The following EFCAB8 variants were observed in gnomAD, a reference collection of about 807,000 sequenced individuals.
EFCAB8 encodes the protein EF-hand calcium binding domain 8, also known as EF-hand calcium-binding domain-containing protein 8.
In EFCAB8, 100 loss-of-function variants were observed where a neutral mutation model predicts 116.3. The observed-to-expected ratio is 0.86, with a 90% CI of 0.73 to 1.02. The LOEUF (loss-of-function observed/expected upper bound fraction) is 1.02. EFCAB8 is among the 50% of genes least tolerant of loss of function. EFCAB8 has a pLI of 0.00. For synonymous variants in EFCAB8, 558 were observed against 567.9 expected (o/e 0.98, Z 0.25); for missense variants, 1,320 against 1,416.9 (o/e 0.93, Z 1.10).
intron 23 of EFCAB8, among the ~76,000 whole-genome samples, chr20:32,957,165 A>G (rs1988993607): frequency 6.6e-6 from 1 of 151,712 alleles, no homozygotes; most frequent in Non-Finnish European, 1.5e-5. Context: ...AATTTTCCTT[A>G]ATTTTATTTA....
chr20:32,912,535 C>T (rs1265350420), intron 16 of EFCAB8, among the ~76,000 whole-genome samples: 2 of 152,096 alleles, frequency 1.3e-5, no homozygotes, highest in Non-Finnish European at 2.9e-5. Flanking sequence ...TTGACCTTAG[C>T]CAGGTCACTT....
chr20:32,896,294 A>G (rs1405638171), intron 9 of EFCAB8, among the ~76,000 whole-genome samples, 160 bp from the exon 10 acceptor site: 2 of 152,032 alleles, frequency 1.3e-5, no homozygotes, highest in Non-Finnish European at 1.5e-5. Context: ...CACTCCGCTC[A>G]GCTCACCAGG....
chr20:32,939,140 T>TTTCC (rs1988265224), intron 22 of EFCAB8, among the ~76,000 whole-genome samples: 2 of 37,548 alleles, frequency 5.3e-5, no homozygotes, highest in Non-Finnish European at 1.1e-4. Context: ...TCTTTCTTTC[T>TTTCC]TTCTTTCTTT....
At chr20:32,866,059 A>AGTCT (rs1457087402) in intron 2 of EFCAB8, among the ~76,000 whole-genome samples, 2 of 152,034 alleles carry the variant, frequency 1.3e-5, no homozygotes, top group African/African-American at 4.8e-5. Flanking sequence ...TCTAATTTGG[A>AGTCT]GTCTGGGTGT....
At chr20:32,949,515 G>A (rs1175194389) in intron 23 of EFCAB8, among the ~76,000 whole-genome samples, 1 of 152,228 alleles carries the variant, frequency 6.6e-6, no homozygotes, top group Non-Finnish European at 1.5e-5. Flanking sequence ...TGAAGCCATG[G>A]TAATCAAGAC....
At chr20:32,917,007 C>T in intron 17 of EFCAB8, 1 of 294,660 alleles carries the variant, frequency 3.4e-6, no homozygotes, top group East Asian at 6.7e-5. Context: ...GCCACAATGT[C>T]CCCCCCCCTT....
At chr20:32,920,008 C>T in intron 19 of EFCAB8, 70 bp from the exon 20 acceptor site, 1 of 1,545,588 alleles carries the variant, frequency 6.5e-7, no homozygotes, top group Non-Finnish European at 8.8e-7. Flanking sequence ...TCATCTTCCT[C>T]TGGTCTCTGG....
rs6120033 is a variant in EFCAB8, at chr20:32,906,576, G to A, written c.1103G>A (p.Arg368His). The A allele has an allele frequency of 0.66, 476,153 of 718,250 alleles. 162,674 individuals carry two copies. The highest frequency in any genetic ancestry group is 0.77 in the Middle Eastern group (3,332 of 4,328). 44.5% of individuals were successfully genotyped at this position (718,250 alleles called of 1,614,324 possible). Residue 368 changes from arginine to histidine, a missense_variant, in exon 12 of 27, where the codon CGT becomes CAT. Physicochemically the swap from Arg to His is conservative, Grantham distance 29. Transcript: ENST00000400522. Reference sequence around the variant, plus strand: ...TGATATTGTAGGTTGTCAGTGCTGCGTTTAAGGAAAGGGATTCTTTGCTTT... The same window carrying A: ...TGATATTGTAGGTTGTCAGTGCTGCATTTAAGGAAAGGGATTCTTTGCTTT... ...ASKKPRLSVLRLRKGILCFDY... is the reference protein window; with the variant it reads ...ASKKPRLSVLHLRKGILCFDY...
intron 9 of EFCAB8, among the ~76,000 whole-genome samples, chr20:32,893,772 A>G (rs1419624912): frequency 6.6e-6 from 1 of 152,068 alleles, no homozygotes; most frequent in Non-Finnish European, 1.5e-5. Context: ...CCTGGCTGGC[A>G]TGGGTGAGTG....
At chr20:32,870,038 C>A (rs1984610803) in intron 3 of EFCAB8, among the ~76,000 whole-genome samples, 1 of 152,186 alleles carries the variant, frequency 6.6e-6, no homozygotes. Flanking sequence ...AGGCATCTTT[C>A]TTTATATCCA....
chr20:32,869,201 AC>A (rs1984570780), intron 3 of EFCAB8, among the ~76,000 whole-genome samples: 1 of 152,106 alleles, frequency 6.6e-6, no homozygotes, highest in Non-Finnish European at 1.5e-5. Context: ...GCTCAAGCCA[AC>A]AACAGGGAGA....
chr20:32,874,816 G>A (rs1196389851), intron 3 of EFCAB8, among the ~76,000 whole-genome samples: 14 of 151,702 alleles, frequency 9.2e-5, no homozygotes, highest in African/African-American at 3.1e-4. Context: ...GTGTGATCTC[G>A]GCTCACTGCA....
Position 32,920,079 on chromosome 20 carries a change from A to C in EFCAB8, c.2276A>C (p.Lys759Thr), listed in dbSNP as rs1355796456. The change falls in exon 20 of 27, where the codon AAA becomes ACA. Residue 759 changes from lysine to threonine, a missense_variant and splice_region_variant. By Grantham distance (78) the Lys-to-Thr change is moderately conservative. Coordinates refer to ENST00000400522, the MANE Select transcript of EFCAB8 (RefSeq NM_001143967.2). ...TTGGGTGCCCATCTTTCTTTCCAGAAACCTTCCAGTGCTTCTGGCACATCC... is the reference window on the plus strand; with the variant it reads ...TTGGGTGCCCATCTTTCTTTCCAGACACCTTCCAGTGCTTCTGGCACATCC... ...KEPDRPVPQQ[K>T]PSSASGTSRQ... 1 of 1,551,720 alleles carries C rather than the reference A, an allele frequency of 6.4e-7. No homozygotes were observed. Among genetic ancestry groups the C allele is most frequent in the Non-Finnish European group, 8.7e-7 (1 of 1,147,004 alleles).
rs1367027120 is a variant in EFCAB8, at chr20:32,885,615, CCTT to C, written c.545_547del (p.Phe182del). 3.2e-6 allele frequency: 5 copies of C among 1,551,816 alleles called. No homozygotes were observed. In the South Asian group the frequency reaches 4.8e-5, roughly 15 times the overall value. ...GGGATCCTGCAGTTCTGGTCTGAGTCCTTCTCGCTGATGAGCTCCTTTAGGGTG... is the reference window on the plus strand; with the variant it reads ...GGGATCCTGCAGTTCTGGTCTGAGTCCTCGCTGATGAGCTCCTTTAGGGTG... On this transcript the variant is annotated inframe_deletion, in exon 6 of 27. Transcript: ENST00000400522.
chr20:32,871,226 A>G (rs6119297), intron 3 of EFCAB8, among the ~76,000 whole-genome samples: 4,341 of 151,394 alleles, frequency 0.029, 251 homozygotes, highest in African/African-American at 0.098. Context: ...GTGGCAGCCT[A>G]TTGTCCACAC....
In EFCAB8 at chr20:32,911,500, C is replaced by T. The variant is rs375571922; in HGVS notation, c.1578C>T (p.Arg526=). 31 of 1,495,370 alleles carry T rather than the reference C, an allele frequency of 2.1e-5. No individual in the cohort carries two copies. The highest frequency in any genetic ancestry group is 1.4e-4 in the African/African-American group (10 of 72,290). The allele number at this position is 1,495,370 out of a possible 1,614,324, so 92.6% of individuals were successfully genotyped here. A position where few individuals can be genotyped will look rare whatever the true frequency, so the allele number is the denominator to read the frequency against. Residue 526 remains arginine, a synonymous_variant, in exon 16 of 27, where the codon CGC becomes CGT. Transcript: ENST00000400522. ...TACAGGTGGTGAGTGGCTGCCTGCGCGGCACAGTGAGTGTGTGGGAGGTCG... is the reference window on the plus strand; with the variant it reads ...TACAGGTGGTGAGTGGCTGCCTGCGTGGCACAGTGAGTGTGTGGGAGGTCG... ...IFKQVVSGCL[R]GTVSVWEVVT...
intron 23 of EFCAB8, among the ~76,000 whole-genome samples, chr20:32,947,690 T>C (rs1434271349): frequency 6.6e-6 from 1 of 151,192 alleles, no homozygotes; most frequent in Non-Finnish European, 1.5e-5. Flanking sequence ...ATTTATGAGA[T>C]GCCACAAAAA....
chr20:32,916,075 T>C (rs1297484019), intron 17 of EFCAB8, among the ~76,000 whole-genome samples: 1 of 152,218 alleles, frequency 6.6e-6, no homozygotes, highest in Non-Finnish European at 1.5e-5. Context: ...CAGGCTGTTA[T>C]AACAGAATAC....
intron 1 of EFCAB8, 130 bp from the exon 2 acceptor site, chr20:32,863,653 T>C: frequency 1.3e-6 from 1 of 756,134 alleles, no homozygotes; most frequent in Non-Finnish European, 2.1e-6. Context: ...GGAGTGTCCA[T>C]GGGCAAGGGG....
Sources: gnomAD v4.1 joint callset for allele counts (sites outside exome capture counted in the v4.1 genomes callset) on GRCh38, gnomAD v4.1.1 for gene constraint, MANE v1.5 for transcripts, NCBI Gene and HGNC (gene_info 2026-07-23, HGNC 2026-07-21) for gene names.